Variants in GALNT13 observed in about 807,000 individuals in gnomAD.
GALNT13 encodes UDP-GalNAc:polypeptide N-acetylgalactosaminyltransferase 13.
GALNT13 carries 28 observed loss-of-function variants against 64.2 expected under a neutral mutation model. The observed-to-expected ratio is 0.44, with a 90% confidence interval of 0.32 to 0.60. The LOEUF (loss-of-function observed/expected upper bound fraction) is 0.60, where lower values mean the gene tolerates loss of function less well. GALNT13 is among the 20% of genes least tolerant of loss of function. GALNT13 has a pLI of 0.05. For missense variants in GALNT13, 577 were observed against 669.8 expected (o/e 0.86, Z 1.53); for synonymous variants, 214 against 224.6 (o/e 0.95, Z 0.42).
chr2:153,639,979 C>A, the GALNT13 span, among the ~76,000 whole-genome samples: 1 of 152,162 alleles, frequency 6.6e-6, no homozygotes, highest in Admixed American at 6.5e-5. Context: ...GGGATTTGTC[C>A]TGATGGTCTC....
rs577062968 is a variant in GALNT13, at chr2:154,313,871, A to T, written c.1156+12282A>T. On this transcript the variant is annotated intron_variant, in intron 9 of 12. Transcript: ENST00000392825. Reference sequence around the variant, plus strand: ...AAACATGGATACCTCTAGTCTAATCATTTTTTTTTGTATATGCAACCAATA... The same window carrying T: ...AAACATGGATACCTCTAGTCTAATCTTTTTTTTTTGTATATGCAACCAATA... Among the ~76,000 whole-genome samples, 27 of 151,264 alleles carry T rather than the reference A, an allele frequency of 1.8e-4. No homozygotes were observed. The South Asian group carries it at 5.7e-3, about 32-fold the overall frequency.
intron 9 of GALNT13, among the ~76,000 whole-genome samples, chr2:154,386,756 TA>T (rs979279991): frequency 6.6e-6 from 1 of 152,084 alleles, no homozygotes; most frequent in Non-Finnish European, 1.5e-5. Flanking sequence ...TCTTTTATTT[TA>T]AAAGACTACT....
At chr2:153,469,066 G>A in the GALNT13 span, among the ~76,000 whole-genome samples, 56 of 152,168 alleles carry the variant, frequency 3.7e-4, no homozygotes, top group Admixed American at 1.3e-3. Flanking sequence ...ATTTGTTTTC[G>A]TAAAGTTATT....
intron 3 of GALNT13, among the ~76,000 whole-genome samples, chr2:154,000,282 T>C (rs984343305): frequency 6.6e-6 from 1 of 151,344 alleles, no homozygotes; most frequent in Non-Finnish European, 1.5e-5. Flanking sequence ...CATCGGTCTC[T>C]TATACGTTTT....
the GALNT13 span, among the ~76,000 whole-genome samples, chr2:153,262,590 C>A: frequency 1.3e-5 from 2 of 152,146 alleles, no homozygotes; most frequent in Admixed American, 1.3e-4. Flanking sequence ...CATCAAAAAG[C>A]TTATCCACCA....
chr2:153,767,746 C>T, the GALNT13 span, among the ~76,000 whole-genome samples: 4 of 149,920 alleles, frequency 2.7e-5, no homozygotes, highest in South Asian at 6.3e-4. Flanking sequence ...ACTTGTATGT[C>T]TTCCTTTGAA....
chr2:153,721,430 CATA>C, the GALNT13 span, among the ~76,000 whole-genome samples: 1 of 146,640 alleles, frequency 6.8e-6, no homozygotes, highest in South Asian at 2.3e-4. Context: ...CAGCTAACAT[CATA>C]ATGACAGGAT....
intron 3 of GALNT13, among the ~76,000 whole-genome samples, chr2:153,959,354 C>A (rs1692786734): frequency 6.6e-6 from 1 of 152,168 alleles, no homozygotes; most frequent in Admixed American, 6.5e-5. Flanking sequence ...CCAGAGTCAA[C>A]ACAACAGGGG....
the GALNT13 span, among the ~76,000 whole-genome samples, chr2:153,492,013 C>T: frequency 6.6e-6 from 1 of 151,998 alleles, no homozygotes; most frequent in African/African-American, 2.4e-5. Flanking sequence ...ACTAAAATTC[C>T]AATTCCATTT....
At chr2:154,153,713 A>G (rs6435062) in intron 4 of GALNT13, among the ~76,000 whole-genome samples, 116,026 of 152,158 alleles carry the variant, frequency 0.76, 44,632 homozygotes, top group East Asian at 0.96. Flanking sequence ...GCGAGACTCC[A>G]TGGGCATAGA....
intron 3 of GALNT13, among the ~76,000 whole-genome samples, chr2:154,114,046 G>T (rs571517466): frequency 6.6e-6 from 1 of 152,340 alleles, no homozygotes; most frequent in East Asian, 1.9e-4. Flanking sequence ...TCTGTCTTCT[G>T]CACAGGCCAA....
At chr2:153,989,884 G>T (rs1000990063) in intron 3 of GALNT13, among the ~76,000 whole-genome samples, 19 of 152,026 alleles carry the variant, frequency 1.2e-4, no homozygotes, top group African/African-American at 4.6e-4. Context: ...AAATAAATTT[G>T]TCAGAAGACA....
the GALNT13 span, among the ~76,000 whole-genome samples, chr2:153,842,763 C>T: frequency 6.3e-4 from 96 of 151,940 alleles, 1 homozygote; most frequent in African/African-American, 2.1e-3. Flanking sequence ...CACACACCTA[C>T]ACTGGACCAA....
intron 3 of GALNT13, among the ~76,000 whole-genome samples, chr2:154,117,906 G>T (rs1188578102): frequency 6.6e-6 from 1 of 152,156 alleles, no homozygotes; most frequent in Non-Finnish European, 1.5e-5. Flanking sequence ...TCTGAAATTT[G>T]CTGAGGCTTG....
intron 7 of GALNT13, among the ~76,000 whole-genome samples, chr2:154,256,313 G>T (rs180879601): frequency 1.3e-5 from 2 of 152,232 alleles, no homozygotes; most frequent in Non-Finnish European, 2.9e-5. Context: ...GAGAACCAAA[G>T]TTCCTAAGCT....
chr2:154,175,429 C>A (rs1449945253), intron 4 of GALNT13, among the ~76,000 whole-genome samples: 1 of 152,124 alleles, frequency 6.6e-6, no homozygotes, highest in Non-Finnish European at 1.5e-5. Flanking sequence ...GTCTGAATAA[C>A]CACATTTCCA....
At chr2:153,549,993 G>C in the GALNT13 span, among the ~76,000 whole-genome samples, 1 of 152,090 alleles carries the variant, frequency 6.6e-6, no homozygotes, top group Non-Finnish European at 1.5e-5. Flanking sequence ...CGTAGCAATA[G>C]CTAAGAGATT....
At chr2:154,037,590 T>C (rs1373145077) in intron 3 of GALNT13, among the ~76,000 whole-genome samples, 1 of 152,098 alleles carries the variant, frequency 6.6e-6, no homozygotes, top group Non-Finnish European at 1.5e-5. Flanking sequence ...CATGACATGA[T>C]ATTAGATACA....
intron 4 of GALNT13, among the ~76,000 whole-genome samples, chr2:154,181,504 C>G (rs1002253353): frequency 6.6e-6 from 1 of 151,758 alleles, no homozygotes; most frequent in African/African-American, 2.4e-5. Flanking sequence ...TGTATTTTCC[C>G]CAAAGGAATA....
Sources: allele counts gnomAD v4.1 joint callset (sites outside exome capture counted in the v4.1 genomes callset), GRCh38; gene constraint gnomAD v4.1.1; transcripts MANE v1.5; gene names NCBI Gene and HGNC (gene_info 2026-07-23, HGNC 2026-07-21).